The following HNF4G variants were observed in gnomAD, a reference collection of about 807,000 sequenced individuals.
The protein encoded by HNF4G is hepatocyte nuclear factor 4-gamma.
A neutral mutation model predicts 50.9 loss-of-function variants in HNF4G; 21 were observed. The observed-to-expected ratio is 0.41, with a 90% CI of 0.29 to 0.59. The LOEUF is 0.59. HNF4G is among the 20% of genes least tolerant of loss of function. HNF4G has a pLI of 0.26. For missense variants in HNF4G, 527 were observed against 559.4 expected (o/e 0.94, Z 0.58); for synonymous variants, 198 against 185.6 (o/e 1.07, Z -0.54).
At chr8:75,523,910 A>C (rs1806113918) in intron 2 of HNF4G, among the ~76,000 whole-genome samples, 1 of 151,960 alleles carries the variant, frequency 6.6e-6, no homozygotes, top group African/African-American at 2.4e-5. Flanking sequence ...TAATATAAGA[A>C]GTATAATGAA....
chr8:75,536,675 C>T (rs969710987), upstream of HNF4G, among the ~76,000 whole-genome samples: 15 of 151,846 alleles, frequency 9.9e-5, no homozygotes, highest in African/African-American at 3.6e-4. Context: ...TTTAATTGTG[C>T]CATAGACATG....
intron 1 of HNF4G, among the ~76,000 whole-genome samples, chr8:75,468,087 C>T (rs1812026255): frequency 2.6e-5 from 4 of 152,162 alleles, no homozygotes; most frequent in Admixed American, 1.3e-4. Context: ...GATGCCTGAG[C>T]AGGAAATGAT....
At chr8:75,563,447 G>T (rs533730027) in intron 9 of HNF4G, among the ~76,000 whole-genome samples, 1 of 148,558 alleles carries the variant, frequency 6.7e-6, no homozygotes, top group South Asian at 2.1e-4. Flanking sequence ...AAAAAAGCCA[G>T]TATTTTTCAG....
At chr8:75,541,050 A>G (rs1388591525) in intron 1 of HNF4G, among the ~76,000 whole-genome samples, 7 of 152,076 alleles carry the variant, frequency 4.6e-5, no homozygotes, top group Non-Finnish European at 1.0e-4. Flanking sequence ...TAGCACAACT[A>G]TAGTTAAAAT....
At chr8:75,463,141 C>T (rs1388131189) in intron 1 of HNF4G, among the ~76,000 whole-genome samples, 1 of 148,444 alleles carries the variant, frequency 6.7e-6, no homozygotes, top group African/African-American at 2.5e-5. Flanking sequence ...GGCTTTTTCT[C>T]ATTCCATTTT....
intron 2 of HNF4G, among the ~76,000 whole-genome samples, chr8:75,519,996 CT>C (rs991214482): frequency 3.3e-5 from 5 of 151,662 alleles, no homozygotes; most frequent in Non-Finnish European, 7.4e-5. Context: ...TTTTCTGTTT[CT>C]TTTTTTTCTC....
At chr8:75,434,818 ATAG>A (rs1252329920) in intron 1 of HNF4G, among the ~76,000 whole-genome samples, 1 of 152,218 alleles carries the variant, frequency 6.6e-6, no homozygotes, top group African/African-American at 2.4e-5. Flanking sequence ...AACATTTAAA[ATAG>A]TAGTTGTATC....
At chr8:75,461,841 C>T (rs1318870572) in intron 1 of HNF4G, among the ~76,000 whole-genome samples, 1 of 148,666 alleles carries the variant, frequency 6.7e-6, no homozygotes, top group Non-Finnish European at 1.5e-5. Context: ...CAACAATATA[C>T]TGTAATAGAA....
At chr8:75,430,207 TCA>T (rs1239766775) in intron 1 of HNF4G, among the ~76,000 whole-genome samples, 1 of 151,854 alleles carries the variant, frequency 6.6e-6, no homozygotes, top group African/African-American at 2.4e-5. Flanking sequence ...AGGAGAATTC[TCA>T]GAGTCCATGA....
At chr8:75,449,492 T>C (rs940946910) in intron 1 of HNF4G, among the ~76,000 whole-genome samples, 11 of 143,872 alleles carry the variant, frequency 7.6e-5, no homozygotes, top group African/African-American at 2.6e-4. Flanking sequence ...ATCTCAGTAA[T>C]ATATATATAT....
intron 1 of HNF4G, among the ~76,000 whole-genome samples, chr8:75,477,999 A>G (rs1052475570): frequency 4.0e-5 from 6 of 151,220 alleles, no homozygotes; most frequent in South Asian, 2.1e-4. Flanking sequence ...ATTATGATGC[A>G]TTAGCTTACA....
intron 1 of HNF4G, among the ~76,000 whole-genome samples, chr8:75,482,897 G>C (rs1161367237): frequency 6.6e-6 from 1 of 152,082 alleles, no homozygotes; most frequent in Non-Finnish European, 1.5e-5. Context: ...TTACACCATT[G>C]TTTCATTATT....
chr8:75,445,117 T>A (rs1309561073), intron 1 of HNF4G, among the ~76,000 whole-genome samples: 3 of 143,374 alleles, frequency 2.1e-5, no homozygotes, highest in African/African-American at 5.2e-5. Flanking sequence ...AACTCAGGAT[T>A]AAGAATCTCA....
intron 1 of HNF4G, among the ~76,000 whole-genome samples, chr8:75,464,487 C>T (rs1811922539): frequency 6.6e-6 from 1 of 151,864 alleles, no homozygotes; most frequent in Admixed American, 6.6e-5. Flanking sequence ...GATTTTTTCC[C>T]CTTGGAAATG....
intron 1 of HNF4G, among the ~76,000 whole-genome samples, chr8:75,409,480 CTTTTTTT>C (rs5892492): frequency 4.3e-3 from 287 of 67,342 alleles, no homozygotes; most frequent in African/African-American, 0.016. Context: ...GTGCCTTGTT[CTTTTTTT>C]TTTTTTTTTT....
intron 1 of HNF4G, among the ~76,000 whole-genome samples, chr8:75,433,058 C>T (rs534197594): frequency 2.6e-5 from 4 of 152,194 alleles, no homozygotes; most frequent in Admixed American, 6.5e-5. Context: ...TGTGAGAGAC[C>T]TCAAAAGAGA....
At chr8:75,501,597 G>A (rs1392801233) in intron 2 of HNF4G, among the ~76,000 whole-genome samples, 1 of 152,080 alleles carries the variant, frequency 6.6e-6, no homozygotes, top group East Asian at 1.9e-4. Flanking sequence ...ATAGTGTGTA[G>A]ACATTTGGTT....
At chr8:75,423,335 C>CTTTTTTTTTTTTTTT (rs34511777) in intron 1 of HNF4G, among the ~76,000 whole-genome samples, 11 of 94,622 alleles carry the variant, frequency 1.2e-4, no homozygotes, top group African/African-American at 3.0e-4. Context: ...TTTTCTTTAT[C>CTTTTTTTTTTTTTTT]TTTTTTTTTT....
chr8:75,551,748 T>G (rs1314926197), intron 4 of HNF4G, among the ~76,000 whole-genome samples: 1 of 152,210 alleles, frequency 6.6e-6, no homozygotes, highest in African/African-American at 2.4e-5. Flanking sequence ...AAAAGTTTGC[T>G]TATAAGTTTG....
Sources: gnomAD v4.1 joint callset for allele counts (sites outside exome capture counted in the v4.1 genomes callset) on GRCh38, gnomAD v4.1.1 for gene constraint, MANE v1.5 for transcripts, NCBI Gene and HGNC (gene_info 2026-07-23, HGNC 2026-07-21) for gene names.